PALLD: variants seen among roughly 807,000 people sequenced by gnomAD.
PALLD encodes palladin, cytoskeletal associated protein.
Under a neutral mutation model 123.5 loss-of-function variants are expected in PALLD, and 61 were observed. The observed-to-expected ratio is 0.49, with a 90% CI of 0.40 to 0.61. The LOEUF is 0.61. Among genes scored for constraint, PALLD ranks in the 20% least tolerant of loss-of-function variants. The probability of loss-of-function intolerance (pLI) is 0.00; values close to 1 mark genes in which losing one functional copy is unlikely to be tolerated. For synonymous variants in PALLD, 465 were observed against 496.4 expected (o/e 0.94, Z 0.84); for missense variants, 1,273 against 1,377.0 (o/e 0.92, Z 1.20).
chr4:168,878,414 C>G, intron 10 of PALLD: 1 of 1,459,492 alleles, frequency 6.9e-7, no homozygotes. Flanking sequence ...CGCCGCGGTC[C>G]TCCACTTCCC....
chr4:168,749,847 A>G (rs1204139226), intron 10 of PALLD, among the ~76,000 whole-genome samples: 3 of 152,058 alleles, frequency 2.0e-5, no homozygotes, highest in African/African-American at 7.2e-5. Context: ...TAGTACCCCA[A>G]TAGGTAGTTT....
chr4:168,591,231 C>T (rs1159297784), intron 2 of PALLD, among the ~76,000 whole-genome samples: 1 of 152,110 alleles, frequency 6.6e-6, no homozygotes, highest in Non-Finnish European at 1.5e-5. Flanking sequence ...TAGCTTCTCT[C>T]CAAAAGATTT....
chr4:168,621,175 C>G (rs118191319), intron 2 of PALLD, among the ~76,000 whole-genome samples: 2,272 of 152,342 alleles, frequency 0.015, 140 homozygotes, highest in Admixed American at 0.13. Flanking sequence ...CATTGATAAA[C>G]CTCTGAAAGT....
chr4:168,743,116 A>G (rs1200286387), intron 10 of PALLD, among the ~76,000 whole-genome samples: 1 of 152,134 alleles, frequency 6.6e-6, no homozygotes, highest in Non-Finnish European at 1.5e-5. Flanking sequence ...CTCTCACGCA[A>G]TTACTCTCTC....
At chr4:168,527,265 A>G (rs973197135) in intron 2 of PALLD, among the ~76,000 whole-genome samples, 1 of 151,974 alleles carries the variant, frequency 6.6e-6, no homozygotes, top group Non-Finnish European at 1.5e-5. Context: ...TCTACTAAAA[A>G]TACAAAATTA....
rs1177627176 is a variant in PALLD at position 168,903,757 on chromosome 4, A to G, written c.2473A>G (p.Ile825Val). 17 of 1,609,518 alleles carry G rather than the reference A, an allele frequency of 1.1e-5. No individual in the cohort carries two copies. The highest frequency in any genetic ancestry group is 1.3e-5 in the African/African-American group (1 of 74,952). The change falls in exon 15 of 22, where the codon ATC (isoleucine) becomes GTC (valine). Residue 825 changes from isoleucine (I) to valine (V), a missense_variant and splice_region_variant. Physicochemically the swap from Ile to Val is conservative, Grantham distance 29. This residue lies in a region of PALLD where 329 missense variants were observed against 422.5 expected (regional missense o/e 0.78). Coordinates refer to ENST00000505667, the MANE Select transcript of PALLD (RefSeq NM_001166108.2). Reference protein sequence around the residue: ...CRVAGNPKPKIYWFKDGKQIS... With the variant: ...CRVAGNPKPKVYWFKDGKQIS... ...CTTTAATCTTTGTTTCTATTCACAG[A>G]TCTATTGGTTTAAAGATGGGAAGCA...
chr4:168,722,208 C>A (rs935236565), intron 10 of PALLD, among the ~76,000 whole-genome samples: 2 of 152,032 alleles, frequency 1.3e-5, no homozygotes, highest in Non-Finnish European at 2.9e-5. Context: ...CCACACCCAG[C>A]TATTTTTTTT....
Position 168,898,390 on chromosome 4 carries a change from TA to T in PALLD, c.2251-98del. 10 of 773,218 alleles carry T rather than the reference TA, an allele frequency of 1.3e-5. No individual in the cohort carries two copies. The South Asian group carries it at 1.3e-4, about 10-fold the overall frequency. 47.9% of individuals were successfully genotyped at this position (773,218 alleles called of 1,614,324 possible). On this transcript the variant is annotated intron_variant, in intron 13 of 21. Transcript: ENST00000505667. ...CAGACTGTGTTTTTAAGCTGTATGG[TA>T]AAAATATCACTGTCTTCTAGGGCCT...
At chr4:168,860,031 A>G (rs1224560086) in intron 10 of PALLD, among the ~76,000 whole-genome samples, 1 of 152,344 alleles carries the variant, frequency 6.6e-6, no homozygotes, top group African/African-American at 2.4e-5. Flanking sequence ...CTGTTCAAGC[A>G]CTTAATAGCT....
chr4:168,896,433 T>C, intron 12 of PALLD, 116 bp from the exon 13 acceptor site: 1 of 691,960 alleles, frequency 1.4e-6, no homozygotes, highest in East Asian at 2.8e-5. Context: ...CACAGCACCG[T>C]TACTACCAAA....
intron 2 of PALLD, among the ~76,000 whole-genome samples, chr4:168,544,664 AT>A (rs1765968621): frequency 6.6e-6 from 1 of 152,222 alleles, no homozygotes; most frequent in Non-Finnish European, 1.5e-5. Flanking sequence ...TTTTACACTT[AT>A]TTCTATTATC....
intron 10 of PALLD, among the ~76,000 whole-genome samples, chr4:168,741,235 A>G (rs895690402): frequency 6.6e-6 from 1 of 152,228 alleles, no homozygotes; most frequent in African/African-American, 2.4e-5. Flanking sequence ...AATAGTGACA[A>G]TTCAGAAACT....
chr4:168,791,126 G>C (rs550921722), intron 10 of PALLD, among the ~76,000 whole-genome samples: 28 of 152,282 alleles, frequency 1.8e-4, no homozygotes, highest in African/African-American at 6.7e-4. Flanking sequence ...GGGCCCAGGA[G>C]GAAGTGTGTT....
intron 6 of PALLD, among the ~76,000 whole-genome samples, chr4:168,687,781 C>T (rs1325408322): frequency 6.6e-6 from 1 of 152,234 alleles, no homozygotes; most frequent in Non-Finnish European, 1.5e-5. Flanking sequence ...GTCTTTCCCC[C>T]TTCCCCAAAA....
Position 168,921,642 on chromosome 4 carries a change from A to T in PALLD, c.2959A>T (p.Ile987Phe). Residue 987 changes from isoleucine (I) to phenylalanine (F), a missense_variant, in exon 18 of 22, where the codon ATC (isoleucine) becomes TTC (phenylalanine). Coordinates refer to ENST00000505667, the MANE Select transcript of PALLD (RefSeq NM_001166108.2). The part of the protein sequence containing the change: ...LVRENGVHSL[I>F]IEPVTSRDAG... Reference sequence around the variant, plus strand: ...GCGTGAGAACGGGGTGCACTCTCTGATCATAGAGCCAGTCACGTCACGTGA... The same window carrying T: ...GCGTGAGAACGGGGTGCACTCTCTGTTCATAGAGCCAGTCACGTCACGTGA... The T allele has an allele frequency of 6.2e-7, 1 of 1,611,276 alleles. No homozygotes were observed.
intron 2 of PALLD, among the ~76,000 whole-genome samples, chr4:168,656,264 T>C (rs939601832): frequency 3.5e-5 from 4 of 113,932 alleles, no homozygotes; most frequent in Non-Finnish European, 6.7e-5. Flanking sequence ...CCCCAACGCT[T>C]TGGAGCCTTG....
chr4:168,755,331 G>A (rs958423527), intron 10 of PALLD, among the ~76,000 whole-genome samples: 2 of 152,066 alleles, frequency 1.3e-5, no homozygotes, highest in African/African-American at 4.8e-5. Context: ...TAAAATATGG[G>A]CAGGGACTTG....
At chr4:168,812,302 A>G (rs1196808072) in intron 10 of PALLD, among the ~76,000 whole-genome samples, 3 of 152,142 alleles carry the variant, frequency 2.0e-5, no homozygotes, top group Non-Finnish European at 4.4e-5. Flanking sequence ...GACGATTAGT[A>G]AGGGGTATCT....
chr4:168,500,872 T>C (rs1159149675), intron 1 of PALLD, among the ~76,000 whole-genome samples: 2 of 152,232 alleles, frequency 1.3e-5, no homozygotes, highest in African/African-American at 4.8e-5. Context: ...CTATAGTACA[T>C]ATTCAGGATC....
Sources: allele counts gnomAD v4.1 joint callset (sites outside exome capture counted in the v4.1 genomes callset), GRCh38; gene constraint gnomAD v4.1.1; regional missense constraint gnomAD v4.1.1; transcripts MANE v1.5; gene names NCBI Gene and HGNC (gene_info 2026-07-23, HGNC 2026-07-21).